Variants in C18orf54 observed in about 807,000 individuals in gnomAD.
C18orf54 encodes the protein lung adenoma susceptibility protein 2.
A neutral mutation model predicts 49.3 loss-of-function variants in C18orf54; 49 were observed. The observed-to-expected ratio is 0.99, with a 90% CI of 0.79 to 1.26. The LOEUF (loss-of-function observed/expected upper bound fraction) is 1.26. Among genes scored for constraint, C18orf54 ranks in the 50% most tolerant of loss-of-function variants. The pLI is 0.00. For missense variants in C18orf54, 687 were observed against 620.6 expected, an observed-to-expected ratio of 1.11 and a Z score of -1.14; for synonymous variants, 211 against 216.6, an observed-to-expected ratio of 0.97 and a Z score of 0.23.
chr18:54,361,309 A>C (rs1657906), intron 3 of C18orf54, among the ~76,000 whole-genome samples: 1 of 152,140 alleles, frequency 6.6e-6, no homozygotes, highest in Non-Finnish European at 1.5e-5. Flanking sequence ...ATTTTTTTCT[A>C]TGCTGCAACC....
chr18:54,360,582 T>TA lies in C18orf54; in HGVS notation c.10_11insA (p.Ser4TyrfsTer6). On this transcript the variant is annotated frameshift_variant, in exon 3 of 9. Transcript: ENST00000620105. LOFTEE classifies it high-confidence loss of function. The stretch of plus-strand genomic sequence containing the variant: ...CCACTTTGAAGAAGCCATGGCGAAA[T>TA]CAAAGACAAAACATAGACTTTGTTC... The TA allele has an allele frequency of 6.2e-7, 1 of 1,613,674 alleles. No individual in the cohort carries two copies.
chr18:54,361,487 G>A (rs2089267879), intron 3 of C18orf54, among the ~76,000 whole-genome samples, 156 bp from the exon 4 acceptor site: 1 of 152,144 alleles, frequency 6.6e-6, no homozygotes, highest in Admixed American at 6.5e-5. Context: ...AGCACATCCT[G>A]TTTTATCCAC....
At chr18:54,377,386 C>G (rs1395203987) in intron 8 of C18orf54, among the ~76,000 whole-genome samples, 8 of 152,152 alleles carry the variant, frequency 5.3e-5, no homozygotes, top group Non-Finnish European at 8.8e-5. Context: ...TATTGTCACT[C>G]TGTTTTTCCT....
intron 5 of C18orf54, 98 bp from the exon 6 acceptor site, chr18:54,365,621 C>T (rs748500557): frequency 1.9e-4 from 113 of 597,506 alleles, no homozygotes; most frequent in Middle Eastern, 1.8e-3. Context: ...TTCTTGGTGA[C>T]TACTTGTATT....
At chr18:54,376,721 C>G (rs1261238595) in intron 8 of C18orf54, among the ~76,000 whole-genome samples, 1 of 152,158 alleles carries the variant, frequency 6.6e-6, no homozygotes, top group Non-Finnish European at 1.5e-5. Flanking sequence ...GTGGGAATCT[C>G]AGAAATTAAC....
intron 6 of C18orf54, among the ~76,000 whole-genome samples, chr18:54,371,202 A>G (rs2089480886): frequency 1.3e-5 from 1 of 76,792 alleles, no homozygotes; most frequent in Non-Finnish European, 2.4e-5. Flanking sequence ...GTCCCTATGG[A>G]CTTGTTACTA....
At chr18:54,374,784 A>T (rs1398927690) in intron 8 of C18orf54, among the ~76,000 whole-genome samples, 2 of 151,946 alleles carry the variant, frequency 1.3e-5, no homozygotes, top group East Asian at 3.8e-4. Context: ...TAGTCATGAT[A>T]TTGACAGAAG....
intron 2 of C18orf54, among the ~76,000 whole-genome samples, chr18:54,359,172 A>G (rs568911185): frequency 6.6e-6 from 1 of 152,374 alleles, no homozygotes; most frequent in South Asian, 2.1e-4. Flanking sequence ...CCAATACAAC[A>G]GCTTTCTCTT....
chr18:54,359,353 G>A (rs941267954), intron 2 of C18orf54, among the ~76,000 whole-genome samples: 1 of 152,192 alleles, frequency 6.6e-6, no homozygotes, highest in Non-Finnish European at 1.5e-5. Flanking sequence ...AGATATACCA[G>A]TATTACAGAA....
At chr18:54,358,103 A>AT (rs754083688) in intron 1 of C18orf54, 28 bp downstream of exon 1, 1 of 152,402 alleles carries the variant, frequency 6.6e-6, no homozygotes, top group African/African-American at 2.4e-5. Context: ...GTTTTCCTTT[A>AT]TTTTTATTTT....
intron 2 of C18orf54, among the ~76,000 whole-genome samples, chr18:54,360,269 A>G (rs2089237380): frequency 6.6e-6 from 1 of 152,206 alleles, no homozygotes. Context: ...GGTATTTTCC[A>G]TGTATATTCT....
Position 54,372,657 on chromosome 18 carries a change from A to G in C18orf54, c.1458+60A>G, listed in dbSNP as rs145424734. 125 of 1,456,758 alleles carry G rather than the reference A, an allele frequency of 8.6e-5. 1 individual carries two copies. The East Asian group carries it at 1.8e-3, about 21-fold the overall frequency. The allele number at this position is 1,456,758 out of a possible 1,614,324, so 90.2% of individuals were successfully genotyped here. On this transcript the variant is annotated intron_variant, in intron 7 of 8. Transcript: ENST00000620105. ...TGAATTTGTATAAAGATTTTTTTCTACATCTTTTAATAGACCTACTTATAG... is the reference window on the plus strand; with the variant it reads ...TGAATTTGTATAAAGATTTTTTTCTGCATCTTTTAATAGACCTACTTATAG...
intron 2 of C18orf54, among the ~76,000 whole-genome samples, 164 bp from the exon 3 acceptor site, chr18:54,360,363 A>G (rs2089239875): frequency 6.6e-6 from 1 of 152,246 alleles, no homozygotes; most frequent in African/African-American, 2.4e-5. Flanking sequence ...GGAATTCACA[A>G]TAATAAATAT....
chr18:54,362,633 G>A lies in C18orf54; in HGVS notation c.1073-138G>A, dbSNP rs184805075. ...TCCCATTTTTTTCTTTGCTTGAAAT[G>A]TCACATTTTAACATAATTTGCTGTT... On this transcript the variant is annotated intron_variant, in intron 4 of 8. Transcript: ENST00000620105. 1.2e-5 allele frequency: 11 copies of A among 938,452 alleles called. No individual in the cohort carries two copies. The African/African-American group carries it at 1.5e-4, about 13-fold the overall frequency. 58.1% of individuals were successfully genotyped at this position (938,452 alleles called of 1,614,324 possible).
At chr18:54,366,293 A>G (rs1268599078) in intron 6 of C18orf54, among the ~76,000 whole-genome samples, 1 of 151,656 alleles carries the variant, frequency 6.6e-6, no homozygotes, top group East Asian at 1.9e-4. Flanking sequence ...CCTCCCTCCT[A>G]CCTTTCCCAG....
Position 54,360,631 on chromosome 18 carries a change from T to G in C18orf54, c.59T>G (p.Leu20Arg). The G allele has an allele frequency of 6.2e-7, 1 of 1,614,114 alleles. No individual in the cohort carries two copies. The highest frequency in any genetic ancestry group is 8.5e-7 in the Non-Finnish European group (1 of 1,179,946). The change falls in exon 3 of 9, where the codon CTG (leucine) becomes CGG (arginine). Residue 20 changes from leucine to arginine, a missense_variant. Transcript: ENST00000620105. ...LCSQESSVSA[L>R]LASCTLSGSN... is the part of the protein sequence containing the mutation. Reference sequence around the variant, plus strand: ...TCTCAGGAATCTTCAGTATCTGCCCTGCTGGCAAGCTGCACCCTGAGTGGT... The same window carrying G: ...TCTCAGGAATCTTCAGTATCTGCCCGGCTGGCAAGCTGCACCCTGAGTGGT...
intron 4 of C18orf54, among the ~76,000 whole-genome samples, 156 bp from the exon 5 acceptor site, chr18:54,362,615 T>A (rs985392386): frequency 6.6e-6 from 1 of 152,244 alleles, no homozygotes; most frequent in African/African-American, 2.4e-5. Flanking sequence ...TTCTCCCATT[T>A]TTTTCTTTGC....
rs2089287081 is a variant in C18orf54 at position 54,362,268 on chromosome 18, C to T, written c.909C>T (p.Ile303=). Residue 303 remains isoleucine (I), a synonymous_variant, in exon 4 of 9, where the codon ATC becomes ATT. Transcript: ENST00000620105. ...AGGCACAAGGAACTTCTCGGCTTAT[C>T]AATAAATTAGATTGTTTTGAATATG... The part of the protein sequence containing the change: ...SHQAQGTSRL[I]NKLDCFEYAF... 6.5e-7 allele frequency: 1 copy of T among 1,536,294 alleles called. No individual in the cohort carries two copies.
intron 6 of C18orf54, among the ~76,000 whole-genome samples, chr18:54,367,942 C>T (rs574208474): frequency 6.6e-6 from 1 of 151,994 alleles, no homozygotes. Context: ...TTCGGAGATT[C>T]TTTTGTCTAT....
Sources: allele counts gnomAD v4.1 joint callset (sites outside exome capture counted in the v4.1 genomes callset), GRCh38; gene constraint gnomAD v4.1.1; transcripts MANE v1.5; gene names NCBI Gene and HGNC (gene_info 2026-07-23, HGNC 2026-07-21).